COL4A6: variants seen among roughly 807,000 people sequenced by gnomAD.
COL4A6 encodes collagen type IV alpha 6 chain.
A neutral mutation model predicts 126.7 loss-of-function variants in COL4A6; 59 were observed. The observed-to-expected ratio is 0.47, with a 90% CI of 0.38 to 0.58. The LOEUF (loss-of-function observed/expected upper bound fraction) is 0.58. Among genes scored for constraint, COL4A6 ranks in the 20% least tolerant of loss-of-function variants. COL4A6 has a pLI of 0.00. For missense variants in COL4A6, 1,285 were observed against 1,337.3 expected, an observed-to-expected ratio of 0.96 and a Z score of 0.61; for synonymous variants, 547 against 496.6, an observed-to-expected ratio of 1.10 and a Z score of -1.35.
intron 5 of COL4A6, among the ~76,000 whole-genome samples, chrX:108,217,742 G>A (rs756141369): frequency 1.8e-5 from 2 of 111,888 alleles, no homozygotes; most frequent in South Asian, 3.8e-4. Flanking sequence ...CTTCAAGAGA[G>A]AGAAACAACA....
At chrX:108,214,335 G>A (rs1460724149) in intron 5 of COL4A6, 107 bp from the exon 6 acceptor site, 10 of 528,785 alleles carry the variant, frequency 1.9e-5, no homozygotes, top group African/African-American at 7.1e-5. Context: ...GTGGCTCCTT[G>A]TTCACTCCCT....
intron 5 of COL4A6, among the ~76,000 whole-genome samples, chrX:108,217,267 T>G (rs891704726): frequency 1.8e-5 from 2 of 112,059 alleles, no homozygotes; most frequent in African/African-American, 3.2e-5. Flanking sequence ...GAAGCAGATC[T>G]GTGCAGTGAT....
intron 2 of COL4A6, among the ~76,000 whole-genome samples, chrX:108,436,143 T>C (rs1055135903): frequency 1.8e-5 from 2 of 112,628 alleles, no homozygotes; most frequent in Non-Finnish European, 3.8e-5. Flanking sequence ...CAAAGATATT[T>C]TGCATAAGTA....
rs369870577 is a variant in COL4A6 at position 108,169,798 on chromosome X, T to A, written c.3565+147A>T. ...AAAAACCCATCCTCTTTCTTCTCCA[T>A]ATCAAGGGACCTCAAATTGGAGGTT... On this transcript the variant is annotated intron_variant, in intron 36 of 44. Coordinates refer to ENST00000334504, the MANE Select transcript of COL4A6 (RefSeq NM_033641.4). 6 of 828,712 alleles carry A rather than the reference T, an allele frequency of 7.2e-6. No individual in the cohort carries two copies. The African/African-American group carries it at 1.3e-4, about 17-fold the overall frequency. The allele number at this position is 828,712 out of a possible 1,213,427, so 68.3% of individuals were successfully genotyped here.
At chrX:108,400,951 C>A (rs1462561821) in intron 2 of COL4A6, among the ~76,000 whole-genome samples, 1 of 111,388 alleles carries the variant, frequency 9.0e-6, no homozygotes, top group Non-Finnish European at 1.9e-5. Flanking sequence ...AAAGTCATTC[C>A]CTATTCCACA....
chrX:108,204,486 C>A, intron 11 of COL4A6, 74 bp from the exon 12 acceptor site: 1 of 867,485 alleles, frequency 1.2e-6, no homozygotes, highest in Non-Finnish European at 1.7e-6. Flanking sequence ...GGTTTGTCCT[C>A]TGGATGTAAC....
At chrX:108,395,462 C>A (rs951753658) in intron 2 of COL4A6, among the ~76,000 whole-genome samples, 3 of 111,976 alleles carry the variant, frequency 2.7e-5, no homozygotes, top group African/African-American at 9.7e-5. Flanking sequence ...AAGAAAAGAA[C>A]TATAAGCAAA....
intron 3 of COL4A6, among the ~76,000 whole-genome samples, chrX:108,305,821 T>C (rs923843202): frequency 9.0e-6 from 1 of 111,676 alleles, no homozygotes; most frequent in Non-Finnish European, 1.9e-5. Flanking sequence ...AAGACATAGA[T>C]AGAATTTAGG....
chrX:108,310,804 A>G lies in COL4A6; in HGVS notation c.88T>C (p.Cys30Arg). ...AAGEKSYGKPCGGQDCSGSCQ... is the reference protein window; with the variant it reads ...AAGEKSYGKPRGGQDCSGSCQ... ...CTCCCACTGCAGTCCTGGCCCCCAC[A>G]TGGCTTTCCATAAGACTTCTCTCCC... Residue 30 changes from cysteine to arginine, a missense_variant, in exon 3 of 45, where the codon TGT becomes CGT. By Grantham distance (180) the Cys-to-Arg change is radical. Transcript: ENST00000334504. 3.3e-6 allele frequency: 4 copies of G among 1,208,729 alleles called. No individual in the cohort carries two copies. The highest frequency in any genetic ancestry group is 4.5e-6 in the Non-Finnish European group (4 of 893,288).
At chrX:108,314,431 C>T (rs1317543867) in intron 2 of COL4A6, among the ~76,000 whole-genome samples, 1 of 112,000 alleles carries the variant, frequency 8.9e-6, no homozygotes, top group East Asian at 2.8e-4. Flanking sequence ...TCCATGACCA[C>T]TTCAGCTTCG....
At chrX:108,410,707 T>A (rs1177465706) in intron 2 of COL4A6, among the ~76,000 whole-genome samples, 1 of 111,397 alleles carries the variant, frequency 9.0e-6, no homozygotes, top group Non-Finnish European at 1.9e-5. Context: ...TCAATTAATA[T>A]TTCTTTGACA....
intron 7 of COL4A6, among the ~76,000 whole-genome samples, chrX:108,211,234 G>A (rs2035692893): frequency 8.9e-6 from 1 of 112,034 alleles, no homozygotes; most frequent in South Asian, 3.8e-4. Context: ...CTAGGGTGAT[G>A]GGTTGGTGTG....
chrX:108,367,506 A>G lies in COL4A6; in HGVS notation c.64-56678T>C, dbSNP rs757942207. Among the ~76,000 whole-genome samples, 13 of 111,970 alleles carry G rather than the reference A, an allele frequency of 1.2e-4. No homozygotes were observed. In the South Asian group the frequency reaches 4.9e-3, roughly 42 times the overall value. On this transcript the variant is annotated intron_variant, in intron 2 of 44. Coordinates refer to ENST00000334504, the MANE Select transcript of COL4A6 (RefSeq NM_033641.4). ...TATCTATGTGACAAATTGTAATTAT[A>G]TAGAGCCAAAGCAGATCTTTTGGGT...
intron 3 of COL4A6, among the ~76,000 whole-genome samples, chrX:108,307,540 C>G (rs1244240269): frequency 8.9e-6 from 1 of 112,009 alleles, no homozygotes; most frequent in Non-Finnish European, 1.9e-5. Flanking sequence ...ATGTCCTAGT[C>G]AGTTCAAGAG....
At chrX:108,273,393 C>G (rs1345553081) in intron 3 of COL4A6, among the ~76,000 whole-genome samples, 1 of 110,441 alleles carries the variant, frequency 9.1e-6, no homozygotes, top group Non-Finnish European at 1.9e-5. Flanking sequence ...GGACTGTAAA[C>G]TAGTTCAACC....
chrX:108,346,322 A>G (rs2039705637), intron 2 of COL4A6, among the ~76,000 whole-genome samples: 1 of 111,507 alleles, frequency 9.0e-6, no homozygotes, highest in African/African-American at 3.3e-5. Flanking sequence ...CTGAGACAGG[A>G]CAGGTGAAAT....
chrX:108,247,739 T>A (rs2036751160), intron 3 of COL4A6, among the ~76,000 whole-genome samples: 1 of 111,779 alleles, frequency 8.9e-6, no homozygotes, highest in East Asian at 2.8e-4. Flanking sequence ...CTTGTTTCCC[T>A]GCTTCTACTT....
chrX:108,158,291 C>T (rs1275180892), intron 44 of COL4A6, among the ~76,000 whole-genome samples: 1 of 112,677 alleles, frequency 8.9e-6, no homozygotes, highest in Non-Finnish European at 1.9e-5. Context: ...AATCCTTGGG[C>T]CTCCTTTGAA....
At chrX:108,430,592 T>C (rs1248311456) in intron 2 of COL4A6, among the ~76,000 whole-genome samples, 1 of 111,738 alleles carries the variant, frequency 8.9e-6, no homozygotes, top group African/African-American at 3.3e-5. Flanking sequence ...AGGCTACTGA[T>C]GTATGAAGTT....
Sources: allele counts gnomAD v4.1 joint callset (sites outside exome capture counted in the v4.1 genomes callset), GRCh38; gene constraint gnomAD v4.1.1; transcripts MANE v1.5; gene names NCBI Gene and HGNC (gene_info 2026-07-23, HGNC 2026-07-21).